The following LRP4 variants were observed in gnomAD, a reference collection of about 807,000 sequenced individuals.
LRP4 encodes the protein LDL receptor related protein 4.
LRP4 carries 95 observed loss-of-function variants against 220.3 expected under a neutral mutation model. The ratio of observed to expected loss-of-function variants is 0.43; its 90% CI spans 0.37 to 0.51. LRP4 has a LOEUF of 0.51. Ranked by LOEUF, LRP4 falls within the 20% of genes least tolerant of loss-of-function variation. The pLI is 0.00. For synonymous variants in LRP4, 903 were observed against 954.6 expected (o/e 0.95, Z 1.00); for missense variants, 1,925 against 2,567.0 (o/e 0.75, Z 5.40).
chr11:46,870,406 T>C (rs1940831307), intron 31 of LRP4, among the ~76,000 whole-genome samples: 1 of 152,208 alleles, frequency 6.6e-6, no homozygotes, highest in African/African-American at 2.4e-5. Context: ...TCCTTTCTTC[T>C]TTCCTTTCTG....
At chr11:46,914,326 G>A (rs1462874489) in intron 1 of LRP4, among the ~76,000 whole-genome samples, 3 of 152,118 alleles carry the variant, frequency 2.0e-5, no homozygotes, top group Non-Finnish European at 4.4e-5. Context: ...GCTGAGCTTC[G>A]TATACAGTGA....
rs1485777816 is a variant in LRP4, at chr11:46,886,164, C to T, written c.2433G>A (p.Val811=). The T allele has an allele frequency of 6.2e-7, 1 of 1,613,924 alleles. No individual in the cohort carries two copies. The highest frequency in any genetic ancestry group is 1.3e-5 in the African/African-American group (1 of 74,938). The change falls in exon 18 of 38, where the codon GTG becomes GTA. Residue 811 remains valine (V), a synonymous_variant. Transcript: ENST00000378623. ...KWDGTGQEVV[V]DTSLESPAGL... Reference sequence around the variant, plus strand: ...CAGCTGGGCTCTCCAAACTGGTATCCACTACCACCTGGGCAGGAAGCAAAG... The same window carrying T: ...CAGCTGGGCTCTCCAAACTGGTATCTACTACCACCTGGGCAGGAAGCAAAG...
At chr11:46,865,326 G>C (rs1940666184) in intron 34 of LRP4, 140 bp from the exon 35 acceptor site, 1 of 712,002 alleles carries the variant, frequency 1.4e-6, no homozygotes, top group African/African-American at 1.7e-5. Context: ...CAGAAGCATG[G>C]AGAGGGCAAC....
chr11:46,900,429 C>G (rs1295583961), intron 2 of LRP4, 51 bp from the exon 3 acceptor site: 2 of 1,139,254 alleles, frequency 1.8e-6, no homozygotes, highest in South Asian at 2.4e-5. Flanking sequence ...TATTCTTACT[C>G]AGGCTCAACT....
intron 1 of LRP4, among the ~76,000 whole-genome samples, chr11:46,907,125 T>G (rs964793351): frequency 2.6e-5 from 4 of 152,176 alleles, no homozygotes; most frequent in African/African-American, 9.7e-5. Flanking sequence ...CAAATGACTG[T>G]GGGTGGCAAA....
chr11:46,918,526 C>T lies in LRP4; in HGVS notation c.-147G>A. 1 of 373,982 alleles carries T rather than the reference C, an allele frequency of 2.7e-6. No homozygotes were observed. Among genetic ancestry groups the T allele is most frequent in the East Asian group, 8.3e-5 (1 of 12,040 alleles). 23.2% of individuals were successfully genotyped at this position (373,982 alleles called of 1,614,324 possible). A position where few individuals can be genotyped will look rare whatever the true frequency, so the allele number is the denominator to read the frequency against. ...CAAGTCGCCCTCGGGCCGCCGCCGC[C>T]TCCAGTGCTGCCAGAGCCGACGCTG... is the stretch of plus-strand genomic sequence containing the variant. On this transcript the variant is annotated 5_prime_UTR_variant, in exon 1 of 38. Transcript: ENST00000378623. This position sits in a 1 kb window ranked among gnomAD's most constrained non-coding sequence, Gnocchi z 6.0.
chr11:46,881,511 C>T (rs1356912417), intron 20 of LRP4, among the ~76,000 whole-genome samples, 191 bp downstream of exon 20: 1 of 152,148 alleles, frequency 6.6e-6, no homozygotes, highest in African/African-American at 2.4e-5. Context: ...CCCTTTCCCA[C>T]CCCTGCCCCC....
rs974667486 is a variant in LRP4 at position 46,867,966 on chromosome 11, T to G, written c.5087+13A>C. On this transcript the variant is annotated intron_variant, in intron 34 of 37. Coordinates refer to ENST00000378623, the MANE Select transcript of LRP4 (RefSeq NM_002334.4). ...AATCAAAGGGCCCATGATCCTGCAT[T>G]GAACCTATTTACCTTCCTTCCACCT... 1 of 1,614,162 alleles carries G rather than the reference T, an allele frequency of 6.2e-7. No homozygotes were observed. The highest frequency in any genetic ancestry group is 8.5e-7 in the Non-Finnish European group (1 of 1,180,016).
intron 1 of LRP4, among the ~76,000 whole-genome samples, chr11:46,913,799 G>A (rs1366302552): frequency 6.6e-6 from 1 of 152,142 alleles, no homozygotes; most frequent in Admixed American, 6.5e-5. Flanking sequence ...AGAGAACTAA[G>A]GCGACATGAG....
chr11:46,873,121 G>GT lies in LRP4; in HGVS notation c.4561dup (p.Thr1521AsnfsTer5). 6.2e-7 allele frequency: 1 copy of GT among 1,614,180 alleles called. No individual in the cohort carries two copies. Among genetic ancestry groups the GT allele is most frequent in the South Asian group, 1.1e-5 (1 of 91,072 alleles). On this transcript the variant is annotated frameshift_variant, in exon 30 of 38. Transcript: ENST00000378623. LOFTEE classifies it high-confidence loss of function. This position sits in a 1 kb window ranked among gnomAD's most constrained non-coding sequence, Gnocchi z 4.2. Reference sequence around the variant, plus strand: ...CCACCTGCGGGTATCATAGTCCAGGGTAAGGCCATTGGGCCAACCCAGGTC... The same window carrying GT: ...CCACCTGCGGGTATCATAGTCCAGGGTTAAGGCCATTGGGCCAACCCAGGTC...
At position 46,857,521 on chromosome 11, in the gene LRP4, C is replaced by T. The variant is rs2134746758; in HGVS notation, c.*1462G>A. 1 of 152,254 alleles carries T rather than the reference C, an allele frequency of 6.6e-6. No individual in the cohort carries two copies. Among genetic ancestry groups the T allele is most frequent in the East Asian group, 1.9e-4 (1 of 5,182 alleles). 9.4% of individuals were successfully genotyped at this position (152,254 alleles called of 1,614,324 possible). A position where few individuals can be genotyped will look rare whatever the true frequency, so the allele number is the denominator to read the frequency against. On this transcript the variant is annotated 3_prime_UTR_variant, in exon 38 of 38. Coordinates refer to ENST00000378623, the MANE Select transcript of LRP4 (RefSeq NM_002334.4). ...CTAGGAGGGCCTCATCAGTGGTGCTCTCTACCTTCCTACTCCTTACCCACC... is the reference window on the plus strand; with the variant it reads ...CTAGGAGGGCCTCATCAGTGGTGCTTTCTACCTTCCTACTCCTTACCCACC...
At chr11:46,888,036 A>AAAAG (rs1941336714) in intron 16 of LRP4, among the ~76,000 whole-genome samples, 1 of 130,196 alleles carries the variant, frequency 7.7e-6, no homozygotes, top group African/African-American at 2.5e-5. Flanking sequence ...AAAAAAAAAA[A>AAAAG]AAAAAGGCCG....
chr11:46,868,848 G>T, intron 32 of LRP4, 135 bp from the exon 33 acceptor site: 1 of 1,301,706 alleles, frequency 7.7e-7, no homozygotes, highest in Non-Finnish European at 1.1e-6. Flanking sequence ...AACCGCGAGG[G>T]AGTAAAAAGT....
At chr11:46,865,258 G>A (rs1280524149) in intron 34 of LRP4, 72 bp from the exon 35 acceptor site, 32 of 1,140,610 alleles carry the variant, frequency 2.8e-5, no homozygotes, top group Non-Finnish European at 3.4e-5. Context: ...TCCAGGAAAG[G>A]GGGAAAGGCC....
intron 10 of LRP4, 73 bp downstream of exon 10, chr11:46,895,811 T>C: frequency 1.3e-6 from 2 of 1,595,872 alleles, no homozygotes; most frequent in Admixed American, 3.3e-5. Flanking sequence ...GCCTGACCCA[T>C]AGGAAACACA....
Position 46,879,328 on chromosome 11 carries a change from C to T in LRP4, c.2815-13G>A. ...TTCCAATCAGCACCTGCCAGGGCCC[C>T]AACACTGTGTCATCTTCAACAAAGT... On this transcript the variant is annotated splice_polypyrimidine_tract_variant and intron_variant, in intron 20 of 37. Coordinates refer to ENST00000378623, the MANE Select transcript of LRP4 (RefSeq NM_002334.4). The T allele has an allele frequency of 6.2e-7, 1 of 1,613,686 alleles. No individual in the cohort carries two copies. The highest frequency in any genetic ancestry group is 1.1e-5 in the South Asian group (1 of 91,088).
intron 1 of LRP4, among the ~76,000 whole-genome samples, chr11:46,917,876 C>T (rs937854160): frequency 1.3e-5 from 2 of 152,158 alleles, no homozygotes; most frequent in African/African-American, 4.8e-5. Context: ...CCTCTCTCCG[C>T]AACCCGCCCG....
chr11:46,875,594 AGTC>A lies in LRP4; in HGVS notation c.3784_3786del (p.Asp1262del). 1.2e-6 allele frequency: 2 copies of A among 1,614,062 alleles called. No individual in the cohort carries two copies. The highest frequency in any genetic ancestry group is 1.7e-6 in the Non-Finnish European group (2 of 1,180,006). ...TGCCAGTCAGTCCAGTAGATATAGG[AGTC>A]GAGCAGGGTGAGGCCATATGGGTGC... is the stretch of plus-strand genomic sequence containing the variant. On this transcript the variant is annotated inframe_deletion, in exon 27 of 38. Coordinates refer to ENST00000378623, the MANE Select transcript of LRP4 (RefSeq NM_002334.4). The surrounding 1 kb of genome is among the most constrained non-coding windows in gnomAD (Gnocchi z 4.5).
At chr11:46,893,493 A>G (rs1941464494) in intron 12 of LRP4, among the ~76,000 whole-genome samples, 1 of 152,182 alleles carries the variant, frequency 6.6e-6, no homozygotes, top group Admixed American at 6.5e-5. Flanking sequence ...CATTTCAGAA[A>G]TTCCCTAGGC....
Sources: allele counts gnomAD v4.1 joint callset (sites outside exome capture counted in the v4.1 genomes callset), GRCh38; gene constraint gnomAD v4.1.1; non-coding constraint Gnocchi (gnomAD v3.1); transcripts MANE v1.5; gene names NCBI Gene and HGNC (gene_info 2026-07-23, HGNC 2026-07-21).